MYH15: variants seen among roughly 807,000 people sequenced by gnomAD.
MYH15 encodes myosin-15.
MYH15 carries 227 observed loss-of-function variants against 240.5 expected under a neutral mutation model. That is an observed-to-expected ratio of 0.94 (90% CI 0.85 to 1.05). The LOEUF (loss-of-function observed/expected upper bound fraction) is 1.05, where lower values mean the gene tolerates loss of function less well. Among genes scored for constraint, MYH15 ranks in the 50% least tolerant of loss-of-function variants. The probability of loss-of-function intolerance (pLI) is 0.00; values close to 1 mark genes in which losing one functional copy is unlikely to be tolerated. For missense variants in MYH15, 2,217 were observed against 2,247.5 expected (o/e 0.99, Z 0.27); for synonymous variants, 785 against 796.7 (o/e 0.99, Z 0.25).
At chr3:108,536,788 G>A in the MYH15 span, among the ~76,000 whole-genome samples, 3 of 152,150 alleles carry the variant, frequency 2.0e-5, no homozygotes, top group Admixed American at 6.6e-5. Context: ...GTACACTTAC[G>A]GGATACCTCA....
At chr3:108,548,763 C>G in the MYH15 span, among the ~76,000 whole-genome samples, 1 of 151,968 alleles carries the variant, frequency 6.6e-6, no homozygotes, top group Admixed American at 6.6e-5. Flanking sequence ...TTGATAAGTA[C>G]CTGTAACATA....
At chr3:108,433,632 TAGTG>T (rs1369734232) in intron 25 of MYH15, among the ~76,000 whole-genome samples, 1 of 152,182 alleles carries the variant, frequency 6.6e-6, no homozygotes, top group Admixed American at 6.5e-5. Context: ...GTTCTCATGA[TAGTG>T]AGTAAGTCTC....
intron 12 of MYH15, among the ~76,000 whole-genome samples, chr3:108,472,391 G>A (rs1427714962): frequency 1.3e-5 from 2 of 152,172 alleles, no homozygotes; most frequent in East Asian, 1.9e-4. Context: ...CACACAGCAG[G>A]AGCCAGTTGG....
chr3:108,544,364 T>C, the MYH15 span, among the ~76,000 whole-genome samples: 1 of 152,170 alleles, frequency 6.6e-6, no homozygotes, highest in African/African-American at 2.4e-5. Context: ...TTGATTAGTA[T>C]GTAATGACCA....
chr3:108,384,914 G>T, intron 38 of MYH15, 132 bp from the exon 39 acceptor site: 1 of 727,672 alleles, frequency 1.4e-6, no homozygotes. Flanking sequence ...TTTTAACAAT[G>T]GGTTTAACTC....
the MYH15 span, among the ~76,000 whole-genome samples, chr3:108,542,796 C>G: frequency 6.6e-6 from 1 of 151,856 alleles, no homozygotes; most frequent in South Asian, 2.1e-4. Context: ...GAACATGCAG[C>G]GTTTGGTTTT....
intron 21 of MYH15, among the ~76,000 whole-genome samples, chr3:108,445,170 T>G (rs1011417747): frequency 6.6e-6 from 1 of 152,148 alleles, no homozygotes; most frequent in African/African-American, 2.4e-5. Context: ...GTAAGACATA[T>G]AGAAGGCACC....
In MYH15 at chr3:108,517,355, G is replaced by A. The variant is rs528405899; in HGVS notation, c.-57-6768C>T. 2.5e-3 allele frequency among the ~76,000 whole-genome samples: 376 copies of A among 151,872 alleles called. 4 individuals carry two copies. The highest frequency in any genetic ancestry group is 8.6e-3 in the African/African-American group (356 of 41,412). ...TTCTGATTAATTTTTTTTTTGAGACGGAATTTTGCTCTTGTTGCCCAGGCT... is the reference window on the plus strand; with the variant it reads ...TTCTGATTAATTTTTTTTTTGAGACAGAATTTTGCTCTTGTTGCCCAGGCT... On this transcript the variant is annotated intron_variant, in intron 1 of 41. Coordinates refer to the MYH15 transcript ENST00000273353.
chr3:108,491,393 T>A (rs2083346731), intron 9 of MYH15, among the ~76,000 whole-genome samples: 1 of 152,180 alleles, frequency 6.6e-6, no homozygotes, highest in African/African-American at 2.4e-5. Context: ...TTTTTCTTAT[T>A]TTATGTTTAT....
intron 1 of MYH15, 98 bp downstream of exon 1, chr3:108,510,345 G>A: frequency 6.8e-7 from 1 of 1,468,480 alleles, no homozygotes; most frequent in African/African-American, 1.4e-5. Flanking sequence ...AATAAGTTAG[G>A]CTCTAGAACT....
Position 108,391,752 on chromosome 3 carries a change from A to T in MYH15, c.5430+8T>A. 1 of 1,611,240 alleles carries T rather than the reference A, an allele frequency of 6.2e-7. No homozygotes were observed. Among genetic ancestry groups the T allele is most frequent in the Non-Finnish European group, 8.5e-7 (1 of 1,179,028 alleles). On this transcript the variant is annotated splice_region_variant and intron_variant, in intron 37 of 40. Transcript: ENST00000693548. ...CTGTCAAGCCCTCATGATTACCCAG[A>T]CTCCTACCCTGGATTCTAGTTTCTG...
At chr3:108,483,915 A>G (rs1006350960) in intron 11 of MYH15, among the ~76,000 whole-genome samples, 1 of 152,200 alleles carries the variant, frequency 6.6e-6, no homozygotes, top group Non-Finnish European at 1.5e-5. Flanking sequence ...TACCAGGAGT[A>G]CAGGAAGGGG....
chr3:108,399,016 C>A, intron 34 of MYH15, 59 bp downstream of exon 34: 1 of 1,548,588 alleles, frequency 6.5e-7, no homozygotes, highest in Non-Finnish European at 8.8e-7. Context: ...GCTTAGTTTG[C>A]TTCCATAAGC....
intron 12 of MYH15, 125 bp from the exon 13 acceptor site, chr3:108,470,972 A>G: frequency 1.3e-6 from 1 of 743,348 alleles, no homozygotes; most frequent in Non-Finnish European, 2.1e-6. Flanking sequence ...TGTGCTTCCA[A>G]CATTCTGCTG....
At chr3:108,528,776 C>G (rs953996968) in intron 1 of MYH15, among the ~76,000 whole-genome samples, 1 of 152,214 alleles carries the variant, frequency 6.6e-6, no homozygotes. Context: ...CTCATACAGT[C>G]TGACACTATA....
chr3:108,441,438 T>G (rs2082884552), intron 22 of MYH15, among the ~76,000 whole-genome samples, 178 bp from the exon 23 acceptor site: 1 of 152,138 alleles, frequency 6.6e-6, no homozygotes, highest in African/African-American at 2.4e-5. Context: ...CACTGAGAAG[T>G]GGAGAAGTTG....
chr3:108,441,297 G>A (rs2082883644), intron 22 of MYH15, 37 bp from the exon 23 acceptor site: 2 of 1,609,408 alleles, frequency 1.2e-6, no homozygotes, highest in Middle Eastern at 1.7e-4. Flanking sequence ...CCAACAGCTG[G>A]AAGTAATTTA....
chr3:108,383,685 T>C lies in MYH15; in HGVS notation c.5676A>G (p.Gln1892=). The C allele has an allele frequency of 6.2e-7, 1 of 1,611,434 alleles. No homozygotes were observed. The change falls in exon 40 of 41, where the codon CAA becomes CAG. Residue 1892 remains glutamine, a synonymous_variant. Coordinates refer to ENST00000693548, the MANE Select transcript of MYH15 (RefSeq NM_014981.3). ...TTTCCTTCACTTCATTCAACTCATG[T>C]TGCTGTTTCTTATACTTGGAAAGGT... ...NQYLSKYKKQ[Q]HELNEVKERA...
intron 12 of MYH15, among the ~76,000 whole-genome samples, chr3:108,475,619 T>C (rs1250362099): frequency 1.3e-5 from 2 of 152,142 alleles, no homozygotes; most frequent in East Asian, 1.9e-4. Context: ...AAGAACTACA[T>C]AGAACTACAA....
Sources: gnomAD v4.1 joint callset for allele counts (sites outside exome capture counted in the v4.1 genomes callset) on GRCh38, gnomAD v4.1.1 for gene constraint, MANE v1.5 for transcripts, NCBI Gene and HGNC (gene_info 2026-07-23, HGNC 2026-07-21) for gene names.